Variants in KIF15 observed in about 807,000 individuals in gnomAD.
KIF15 encodes the protein kinesin family member 15, also known as kinesin-like protein KIF15.
KIF15 carries 140 observed loss-of-function variants against 190.6 expected under a neutral mutation model. That is an observed-to-expected ratio of 0.73 (90% CI 0.64 to 0.84). The LOEUF is 0.84. Among genes scored for constraint, KIF15 ranks in the 40% least tolerant of loss-of-function variants. KIF15 has a pLI of 0.00. For missense variants in KIF15, 1,372 were observed against 1,584.4 expected, an observed-to-expected ratio of 0.87 and a Z score of 2.28; for synonymous variants, 528 against 551.3, an observed-to-expected ratio of 0.96 and a Z score of 0.59.
chr3:44,775,808 G>A (rs1014483939), intron 3 of KIF15, among the ~76,000 whole-genome samples: 6 of 151,804 alleles, frequency 4.0e-5, no homozygotes, highest in Admixed American at 6.6e-5. Context: ...TTGGCCAGGC[G>A]TGGTGGCTCA....
At chr3:44,771,421 T>G (rs1009231638) in intron 1 of KIF15, among the ~76,000 whole-genome samples, 8 of 152,286 alleles carry the variant, frequency 5.3e-5, no homozygotes, top group African/African-American at 1.4e-4. Context: ...CTGAAGAAGA[T>G]TAAACATTAT....
rs1706918025 is a variant in KIF15 at position 44,795,212 on chromosome 3, G to A, written c.849+786G>A. 2.6e-5 allele frequency among the ~76,000 whole-genome samples: 4 copies of A among 152,180 alleles called. No individual in the cohort carries two copies. The South Asian group carries it at 8.3e-4, about 31-fold the overall frequency. On this transcript the variant is annotated intron_variant, in intron 8 of 34. Transcript: ENST00000326047. The stretch of plus-strand genomic sequence containing the variant: ...AAGGGTGCAATATGGACTGCTTGTG[G>A]AACATGTGGAAAAGAAGTAGTTCTT...
chr3:44,797,699 T>C (rs1707055985), intron 9 of KIF15, 23 bp downstream of exon 9: 2 of 1,612,044 alleles, frequency 1.2e-6, no homozygotes, highest in Non-Finnish European at 1.7e-6. Context: ...CTTGGGTTCC[T>C]GGGCTCCTTT....
At chr3:44,794,777 T>C (rs1018396898) in intron 8 of KIF15, among the ~76,000 whole-genome samples, 2 of 151,978 alleles carry the variant, frequency 1.3e-5, no homozygotes, top group African/African-American at 4.8e-5. Flanking sequence ...CTGGCCAACG[T>C]GGTGAAATCC....
chr3:44,794,922 A>G (rs1706902221), intron 8 of KIF15, among the ~76,000 whole-genome samples: 1 of 152,196 alleles, frequency 6.6e-6, no homozygotes, highest in South Asian at 2.1e-4. Flanking sequence ...AGATCGCGCC[A>G]CTGCACGCCA....
At chr3:44,769,920 T>G (rs769748881) in intron 1 of KIF15, among the ~76,000 whole-genome samples, 5 of 152,176 alleles carry the variant, frequency 3.3e-5, no homozygotes, top group Non-Finnish European at 5.9e-5. Flanking sequence ...GGTCTTACTT[T>G]CCCAAAAAGG....
chr3:44,864,710 CTG>C (rs527965304), intron 6 of KIF15, among the ~76,000 whole-genome samples: 132 of 152,150 alleles, frequency 8.7e-4, no homozygotes, highest in African/African-American at 2.8e-3. Context: ...CCTGTGTAGT[CTG>C]AGGTTGACAA....
intron 34 of KIF15, 46 bp from the exon 35 acceptor site, chr3:44,852,627 A>C (rs192505722): frequency 7.0e-7 from 1 of 1,423,070 alleles, no homozygotes; most frequent in East Asian, 2.3e-5. Flanking sequence ...TCCTGTAAGA[A>C]TTAGAGCCTT....
At chr3:44,862,213 G>A (rs1699264154) in intron 6 of KIF15, 2 of 714,136 alleles carry the variant, frequency 2.8e-6, no homozygotes, top group South Asian at 1.2e-4. Flanking sequence ...GGGGCTCTTG[G>A]GGTGGGGCGG....
intron 24 of KIF15, among the ~76,000 whole-genome samples, chr3:44,829,694 GTATATATATTATAGATGTA>G (rs1697950972): frequency 7.7e-6 from 1 of 129,552 alleles, no homozygotes; most frequent in African/African-American, 3.0e-5. Context: ...TATTATAGAT[GTATATATATTATAGATGTA>G]TATATATTAT....
chr3:44,860,796 A>G (rs190174740), intron 6 of KIF15, among the ~76,000 whole-genome samples: 2 of 152,340 alleles, frequency 1.3e-5, no homozygotes, highest in African/African-American at 2.4e-5. Context: ...AGTATGTTCA[A>G]CTGTGAAATC....
intron 7 of KIF15, among the ~76,000 whole-genome samples, chr3:44,789,044 A>G (rs1706543112): frequency 6.6e-6 from 1 of 152,134 alleles, no homozygotes; most frequent in African/African-American, 2.4e-5. Context: ...CCATACTGCC[A>G]TTCTGTTTCC....
chr3:44,864,715 G>A (rs1163305551), intron 6 of KIF15, among the ~76,000 whole-genome samples: 3 of 152,152 alleles, frequency 2.0e-5, no homozygotes, highest in African/African-American at 7.2e-5. Context: ...GTAGTCTGAG[G>A]TTGACAAGAT....
chr3:44,828,929 CG>C lies in KIF15; in HGVS notation c.2943+632del, dbSNP rs1442682711. Among the ~76,000 whole-genome samples, 9 of 151,794 alleles carry C rather than the reference CG, an allele frequency of 5.9e-5. No individual in the cohort carries two copies. In the East Asian group the frequency reaches 1.7e-3, roughly 29 times the overall value. Reference sequence around the variant, plus strand: ...GCACATGCCTGTAATCCTAGCTACTCGGGAGGCTGAGGCAGGAGAATTGCTT... The same window carrying C: ...GCACATGCCTGTAATCCTAGCTACTCGGAGGCTGAGGCAGGAGAATTGCTT... On this transcript the variant is annotated intron_variant, in intron 24 of 34. Coordinates refer to ENST00000326047, the MANE Select transcript of KIF15 (RefSeq NM_020242.3).
chr3:44,836,408 C>T (rs985805888), intron 26 of KIF15, among the ~76,000 whole-genome samples: 1 of 151,670 alleles, frequency 6.6e-6, no homozygotes, highest in African/African-American at 2.4e-5. Flanking sequence ...AATACAAATA[C>T]ATAAAAATAT....
intron 10 of KIF15, among the ~76,000 whole-genome samples, 187 bp downstream of exon 10, chr3:44,798,143 A>G (rs1175685326): frequency 1.3e-5 from 2 of 149,302 alleles, no homozygotes; most frequent in African/African-American, 4.9e-5. Flanking sequence ...GTTAGATCTT[A>G]TGGTTGTTAT....
chr3:44,843,870 G>C (rs150883853), intron 30 of KIF15, among the ~76,000 whole-genome samples: 1 of 152,196 alleles, frequency 6.6e-6, no homozygotes, highest in Admixed American at 6.5e-5. Context: ...TGAAGAAAAT[G>C]TTCATTTTCT....
intron 1 of KIF15, 89 bp from the exon 2 acceptor site, chr3:44,774,306 T>G: frequency 1.8e-6 from 2 of 1,127,832 alleles, no homozygotes; most frequent in Non-Finnish European, 1.3e-6. Context: ...GGAGGCTGAA[T>G]GTAGCAGGCA....
chr3:44,794,095 G>A (rs1706853206), intron 7 of KIF15, 122 bp from the exon 8 acceptor site: 1 of 725,058 alleles, frequency 1.4e-6, no homozygotes, highest in African/African-American at 1.8e-5. Context: ...AGGTCAGGCT[G>A]GTCTTGAATT....
Sources: allele counts gnomAD v4.1 joint callset (sites outside exome capture counted in the v4.1 genomes callset), GRCh38; gene constraint gnomAD v4.1.1; transcripts MANE v1.5; gene names NCBI Gene and HGNC (gene_info 2026-07-23, HGNC 2026-07-21).